ATAD2B: variants seen among roughly 807,000 people sequenced by gnomAD.
The protein encoded by ATAD2B is ATPase family AAA domain containing 2B.
A neutral mutation model predicts 167.6 loss-of-function variants in ATAD2B; 40 were observed. The observed-to-expected ratio is 0.24, with a 90% CI of 0.19 to 0.31. The LOEUF (loss-of-function observed/expected upper bound fraction) is 0.31. Ranked by LOEUF, ATAD2B falls within the 10% of genes least tolerant of loss-of-function variation. The pLI is 1.00. For synonymous variants in ATAD2B, 579 were observed against 596.5 expected (o/e 0.97, Z 0.43); for missense variants, 1,242 against 1,757.2 (o/e 0.71, Z 5.24).
At chr2:23,925,951 T>C (rs954596938) in intron 1 of ATAD2B, among the ~76,000 whole-genome samples, 3 of 152,192 alleles carry the variant, frequency 2.0e-5, no homozygotes, top group African/African-American at 4.8e-5. Flanking sequence ...TCCCCAGCTA[T>C]AATATCATGT....
intron 23 of ATAD2B, among the ~76,000 whole-genome samples, chr2:23,763,048 C>T (rs1377027966): frequency 6.6e-6 from 1 of 152,180 alleles, no homozygotes. Flanking sequence ...ATATATACAA[C>T]TCCTTACTTC....
intron 23 of ATAD2B, 47 bp from the exon 24 acceptor site, chr2:23,762,393 A>G: frequency 3.2e-6 from 5 of 1,551,910 alleles, no homozygotes; most frequent in Non-Finnish European, 4.3e-6. Flanking sequence ...TCCCAGCTAC[A>G]TAAACCAAAA....
intron 4 of ATAD2B, among the ~76,000 whole-genome samples, chr2:23,887,047 G>A (rs1051663859): frequency 2.0e-5 from 3 of 152,160 alleles, no homozygotes; most frequent in African/African-American, 7.2e-5. Context: ...GGAGGCCAAG[G>A]CAGGCAGATC....
chr2:23,782,432 C>A (rs1346994185), intron 22 of ATAD2B, among the ~76,000 whole-genome samples: 1 of 152,142 alleles, frequency 6.6e-6, no homozygotes, highest in Non-Finnish European at 1.5e-5. Context: ...TAAAATAACA[C>A]AGTTACATAG....
the ATAD2B span, among the ~76,000 whole-genome samples, chr2:23,723,531 T>A: frequency 6.6e-6 from 1 of 151,332 alleles, no homozygotes; most frequent in Non-Finnish European, 1.5e-5. Flanking sequence ...TCTGAACAGA[T>A]GTTTTTCAAA....
At chr2:23,793,670 G>C (rs912986001) in intron 19 of ATAD2B, among the ~76,000 whole-genome samples, 1 of 152,206 alleles carries the variant, frequency 6.6e-6, no homozygotes, top group Non-Finnish European at 1.5e-5. Context: ...AATCCTACGT[G>C]ATGATTCAAC....
chr2:23,802,807 C>T (rs1010441191), intron 18 of ATAD2B, among the ~76,000 whole-genome samples: 1 of 152,084 alleles, frequency 6.6e-6, no homozygotes, highest in African/African-American at 2.4e-5. Flanking sequence ...ATTATTAATA[C>T]TTTCATGCTA....
At chr2:23,696,276 T>C in the ATAD2B span, 1 of 1,509,094 alleles carries the variant, frequency 6.6e-7, no homozygotes, top group Non-Finnish European at 9.0e-7. This position sits in a 1 kb window ranked among gnomAD's most constrained non-coding sequence, Gnocchi z 5.5. Flanking sequence ...CTGGGCCTGC[T>C]GACCCCAGGC....
the ATAD2B span, chr2:23,684,524 G>A: frequency 1.3e-6 from 2 of 1,548,094 alleles, no homozygotes; most frequent in Admixed American, 4.0e-5. This position sits in a 1 kb window ranked among gnomAD's most constrained non-coding sequence, Gnocchi z 4.4. Context: ...GTATTTCAAG[G>A]ACCTGATTCA....
At chr2:23,777,348 A>ATATATCTATATCTATATCTATATC (rs71402507) in intron 22 of ATAD2B, among the ~76,000 whole-genome samples, 2,085 of 146,312 alleles carry the variant, frequency 0.014, 20 homozygotes, top group Middle Eastern at 0.046. Flanking sequence ...CATAATACTG[A>ATATATCTATATCTATATCTATATC]TATATCTATA....
rs561184043 is a variant in ATAD2B, at chr2:23,822,769, T to A, written c.2131+489A>T. Among the ~76,000 whole-genome samples, 8 of 150,206 alleles carry A rather than the reference T, an allele frequency of 5.3e-5. No individual in the cohort carries two copies. In the East Asian group the frequency reaches 1.6e-3, roughly 30 times the overall value. ...TATCTCTACTAAAAATACAAAAAAA[T>A]TAGCCGGGCGTGGTGGCAGGTGCCT... On this transcript the variant is annotated intron_variant, in intron 16 of 27. Coordinates refer to ENST00000238789, the MANE Select transcript of ATAD2B (RefSeq NM_017552.4).
At chr2:23,823,653 G>A in intron 15 of ATAD2B, 84 bp from the exon 16 acceptor site, 1 of 1,230,306 alleles carries the variant, frequency 8.1e-7, no homozygotes, top group Non-Finnish European at 1.1e-6. Flanking sequence ...CACATCTTTA[G>A]CTAAAGTCAT....
intron 15 of ATAD2B, among the ~76,000 whole-genome samples, chr2:23,826,972 T>C (rs1688351361): frequency 6.6e-6 from 1 of 152,208 alleles, no homozygotes; most frequent in African/African-American, 2.4e-5. Context: ...GAGGCATAAA[T>C]TTCAATGAAC....
In ATAD2B at chr2:23,864,797, G is replaced by A; in HGVS notation, c.1304+12C>T. ...AGTAATAACAATAATAAACATCTAT[G>A]ACATTGCTTACCTTGGAGGCTGAAT... On this transcript the variant is annotated intron_variant, in intron 11 of 27. Transcript: ENST00000238789. The A allele has an allele frequency of 7.7e-7, 1 of 1,299,816 alleles. No individual in the cohort carries two copies. Among genetic ancestry groups the A allele is most frequent in the Non-Finnish European group, 1.1e-6 (1 of 922,984 alleles). 80.5% of individuals were successfully genotyped at this position (1,299,816 alleles called of 1,614,324 possible).
rs759497116 is a variant in ATAD2B at position 23,895,858 on chromosome 2, C to T, written c.329G>A (p.Gly110Asp). The change falls in exon 2 of 28, where the codon GGT (glycine) becomes GAT (aspartate). Residue 110 changes from glycine (G) to aspartate (D), a missense_variant. By Grantham distance (94) the Gly-to-Asp change is moderately conservative. Transcript: ENST00000238789. ...CKDKSKSRST[G>D]QREEWNLSTG... ...TGATAAGTTCCATTCCTCTCGCTGA[C>T]CAGTACTTCGTGATTTTGATTTGTC... 2 of 1,612,826 alleles carry T rather than the reference C, an allele frequency of 1.2e-6. No individual in the cohort carries two copies. Among genetic ancestry groups the T allele is most frequent in the African/African-American group, 1.3e-5 (1 of 74,840 alleles).
intron 1 of ATAD2B, 24 bp from the exon 2 acceptor site, chr2:23,895,994 A>G (rs1409702913): frequency 6.3e-7 from 1 of 1,581,828 alleles, no homozygotes; most frequent in African/African-American, 1.4e-5. Context: ...TTAAAAATGT[A>G]TTTATTATTC....
the ATAD2B span, among the ~76,000 whole-genome samples, chr2:23,721,733 C>T: frequency 6.6e-6 from 1 of 152,006 alleles, no homozygotes; most frequent in Non-Finnish European, 1.5e-5. Context: ...CCACGGTCAG[C>T]AGACATGTCT....
chr2:23,701,962 GC>G, the ATAD2B span, among the ~76,000 whole-genome samples: 1 of 148,108 alleles, frequency 6.8e-6, no homozygotes, highest in Non-Finnish European at 1.5e-5. Context: ...ACAGGCATGT[GC>G]CACCATGCCC....
intron 15 of ATAD2B, among the ~76,000 whole-genome samples, chr2:23,824,221 T>TCAAGTGCTGGGATTA (rs1231004033): frequency 4.6e-5 from 7 of 152,124 alleles, no homozygotes; most frequent in Non-Finnish European, 8.8e-5. Flanking sequence ...CTCAGCACCC[T>TCAAGTGCTGGGATTA]CAAGTGCTGG....
Sources: gnomAD v4.1 joint callset for allele counts (sites outside exome capture counted in the v4.1 genomes callset) on GRCh38, gnomAD v4.1.1 for gene constraint, Gnocchi (gnomAD v3.1) non-coding constraint, MANE v1.5 for transcripts, NCBI Gene and HGNC (gene_info 2026-07-23, HGNC 2026-07-21) for gene names.